GOLGA4: variants seen among roughly 807,000 people sequenced by gnomAD.
GOLGA4 encodes the protein golgin A4.
GOLGA4 carries 169 observed loss-of-function variants against 265.9 expected under a neutral mutation model. The ratio of observed to expected loss-of-function variants is 0.64; its 90% confidence interval spans 0.56 to 0.72. GOLGA4 has a LOEUF of 0.72. Ranked by LOEUF, GOLGA4 falls within the 30% of genes least tolerant of loss-of-function variation. The pLI, the probability that GOLGA4 is intolerant of heterozygous loss-of-function variation, is 0.00. For missense variants in GOLGA4, 2,482 were observed against 2,483.4 expected (o/e 1.00, Z 0.01); for synonymous variants, 923 against 855.8 (o/e 1.08, Z -1.37).
At chr3:37,353,328 A>G (rs1457515784) in intron 21 of GOLGA4, among the ~76,000 whole-genome samples, 5 of 152,112 alleles carry the variant, frequency 3.3e-5, no homozygotes, top group South Asian at 2.1e-4. Context: ...CACACCTTCA[A>G]TCTGCAAAAT....
At chr3:37,336,209 TTTAC>T (rs1255911108) in intron 17 of GOLGA4, among the ~76,000 whole-genome samples, 1 of 152,226 alleles carries the variant, frequency 6.6e-6, no homozygotes, top group Non-Finnish European at 1.5e-5. Context: ...TTAAATTTTC[TTTAC>T]TTTCTTTTTT....
intron 10 of GOLGA4, among the ~76,000 whole-genome samples, chr3:37,313,164 C>T (rs958531890): frequency 5.3e-5 from 8 of 152,020 alleles, no homozygotes; most frequent in Non-Finnish European, 1.0e-4. Context: ...GATCGCGCCA[C>T]TGCACTCTAG....
chr3:37,299,139 C>G lies in GOLGA4; in HGVS notation c.1002+119C>G, dbSNP rs999827174. On this transcript the variant is annotated intron_variant, in intron 8 of 23. Transcript: ENST00000361924. ...GATGGAAAGGGCATTTTTGTTTGCC[C>G]TGGCCTACATAACACCAAACCTTGA... The G allele has an allele frequency of 3.0e-5, 29 of 978,788 alleles. No homozygotes were observed. The African/African-American group carries it at 4.3e-4, about 14-fold the overall frequency. 60.6% of individuals were successfully genotyped at this position (978,788 alleles called of 1,614,324 possible). A position where few individuals can be genotyped will look rare whatever the true frequency, so the allele number is the denominator to read the frequency against.
intron 2 of GOLGA4, among the ~76,000 whole-genome samples, chr3:37,260,515 A>T (rs2096766745): frequency 6.6e-6 from 1 of 152,160 alleles, no homozygotes; most frequent in African/African-American, 2.4e-5. Flanking sequence ...GGGCACCTGT[A>T]ATCCCAGCTA....
At chr3:37,253,167 G>A (rs990647682) in intron 2 of GOLGA4, among the ~76,000 whole-genome samples, 2 of 151,776 alleles carry the variant, frequency 1.3e-5, no homozygotes, top group African/African-American at 2.4e-5. Context: ...TAAGGCAGGG[G>A]CATTACTTGA....
intron 14 of GOLGA4, among the ~76,000 whole-genome samples, 175 bp downstream of exon 14, chr3:37,328,000 T>C (rs1317590974): frequency 6.6e-6 from 1 of 152,074 alleles, no homozygotes; most frequent in Non-Finnish European, 1.5e-5. Context: ...TTAGGGCAAG[T>C]GGCAGTGTTA....
rs565418254 is a variant in GOLGA4, at chr3:37,293,305, AT to A, written c.583-1663del. Among the ~76,000 whole-genome samples the A allele has an allele frequency of 5.9e-4, 88 of 148,396 alleles. No individual in the cohort carries two copies. In the East Asian group the frequency reaches 7.1e-3, roughly 12 times the overall value. ...AAAACATTGTGAGATTTTTCTTGTG[AT>A]TTTTTTTTTTAAATGCTCATCAGCT... On this transcript the variant is annotated intron_variant, in intron 5 of 23. Transcript: ENST00000361924.
In GOLGA4 at chr3:37,276,055, T is replaced by C. The variant is rs566125474; in HGVS notation, c.163-5903T>C. ...TAAGCAACAGAAAGGATGAGACAAA[T>C]GCTCGAGATACTTATGTTTCATCCT... is the stretch of plus-strand genomic sequence containing the variant. On this transcript the variant is annotated intron_variant, in intron 2 of 23. Coordinates refer to ENST00000361924, the MANE Select transcript of GOLGA4 (RefSeq NM_002078.5). The C allele has an allele frequency of 1.3e-4, 210 of 1,612,610 alleles. No homozygotes were observed. In the South Asian group the frequency reaches 2.3e-3, roughly 17 times the overall value.
intron 3 of GOLGA4, among the ~76,000 whole-genome samples, chr3:37,282,934 A>G (rs1215841564): frequency 6.6e-6 from 1 of 152,162 alleles, no homozygotes; most frequent in Non-Finnish European, 1.5e-5. Flanking sequence ...TCTGCATCCT[A>G]TGCAGTTAAA....
chr3:37,330,163 G>C (rs888387830), intron 16 of GOLGA4, among the ~76,000 whole-genome samples: 1 of 151,088 alleles, frequency 6.6e-6, no homozygotes, highest in Non-Finnish European at 1.5e-5. Flanking sequence ...CCTAGAGAGT[G>C]TTGGAAGATA....
chr3:37,265,258 G>A (rs916167672), intron 2 of GOLGA4, among the ~76,000 whole-genome samples: 1 of 152,002 alleles, frequency 6.6e-6, no homozygotes, highest in African/African-American at 2.4e-5. Flanking sequence ...CAGTATTTTG[G>A]TGTGTAGTAT....
rs757129270 is a variant in GOLGA4 at position 37,347,237 on chromosome 3, A to G, written c.6517A>G (p.Thr2173Ala). Residue 2173 changes from threonine (T) to alanine (A), a missense_variant, in exon 21 of 24, where the codon ACC (threonine) becomes GCC (alanine). Coordinates refer to ENST00000361924, the MANE Select transcript of GOLGA4 (RefSeq NM_002078.5). ...HTDVSLFGEP[T>A]EFEYLRKVLF... ...GGATGTCTCACTCTTTGGAGAACCT[A>G]CCGAATTTGAGTATTTGCGAAAAGT... 4 of 1,613,058 alleles carry G rather than the reference A, an allele frequency of 2.5e-6. No individual in the cohort carries two copies. In the South Asian group the frequency reaches 3.3e-5, roughly 13 times the overall value.
rs188574386 is a variant in GOLGA4, at chr3:37,333,020, C to G, written c.6193-2033C>G. On this transcript the variant is annotated intron_variant, in intron 16 of 23. Transcript: ENST00000361924. The stretch of plus-strand genomic sequence containing the variant: ...ATCACTCTGGAGATTTTGTTCTTCT[C>G]TAGTCGTGAGAATCTGGCCCAGTGC... Among the ~76,000 whole-genome samples the G allele has an allele frequency of 8.1e-4, 123 of 152,318 alleles. 1 individual carries two copies. The highest frequency in any genetic ancestry group is 7.6e-3 in the Admixed American group (116 of 15,304).
In GOLGA4 at chr3:37,347,224, C is replaced by T. The variant is rs376840439; in HGVS notation, c.6504C>T (p.Leu2168=). The T allele has an allele frequency of 3.5e-5, 57 of 1,612,500 alleles. No homozygotes were observed. The highest frequency in any genetic ancestry group is 4.7e-5 in the Non-Finnish European group (55 of 1,179,022). The change falls in exon 21 of 24, where the codon CTC becomes CTT. Residue 2168 remains leucine (L), a synonymous_variant. Transcript: ENST00000361924. ...ATTTGTACCATACGGATGTCTCACT[C>T]TTTGGAGAACCTACCGAATTTGAGT... ...GGNLYHTDVS[L]FGEPTEFEYL...
intron 2 of GOLGA4, among the ~76,000 whole-genome samples, chr3:37,272,526 G>A (rs1044606017): frequency 6.6e-6 from 1 of 152,114 alleles, no homozygotes; most frequent in African/African-American, 2.4e-5. Context: ...AATGGAGCAA[G>A]ACCCTGTCTC....
Position 37,328,509 on chromosome 3 carries a change from G to A in GOLGA4, c.6033G>A (p.Glu2011=), listed in dbSNP as rs765292724. The change falls in exon 15 of 24, where the codon GAG becomes GAA. Residue 2011 remains glutamate (E), a synonymous_variant. Transcript: ENST00000361924. ...CACAGCTGGCACAAAAGGAACAAGAGCTGGAAATGACCATAAAAGAAACTA... is the reference window on the plus strand; with the variant it reads ...CACAGCTGGCACAAAAGGAACAAGAACTGGAAATGACCATAAAAGAAACTA... ...FNTQLAQKEQ[E]LEMTIKETIN... The A allele has an allele frequency of 3.7e-6, 6 of 1,612,748 alleles. No homozygotes were observed. The highest frequency in any genetic ancestry group is 5.1e-6 in the Non-Finnish European group (6 of 1,179,124).
intron 16 of GOLGA4, among the ~76,000 whole-genome samples, chr3:37,331,599 C>T (rs1197064406): frequency 6.6e-6 from 1 of 152,072 alleles, no homozygotes; most frequent in Non-Finnish European, 1.5e-5. Context: ...GTGTTTTTTA[C>T]CCTTTCTTAA....
chr3:37,258,229 TA>T (rs960740147), intron 2 of GOLGA4, among the ~76,000 whole-genome samples: 1 of 147,410 alleles, frequency 6.8e-6, no homozygotes. Context: ...ATGCTCTGTA[TA>T]TGTATGAGAT....
intron 23 of GOLGA4, among the ~76,000 whole-genome samples, 195 bp from the exon 24 acceptor site, chr3:37,365,885 G>A (rs932237070): frequency 2.0e-5 from 3 of 148,616 alleles, no homozygotes; most frequent in African/African-American, 7.5e-5. Context: ...CTCCCATCTT[G>A]GCCTCTCAAA....
Sources: allele counts gnomAD v4.1 joint callset (sites outside exome capture counted in the v4.1 genomes callset), GRCh38; gene constraint gnomAD v4.1.1; transcripts MANE v1.5; gene names NCBI Gene and HGNC (gene_info 2026-07-23, HGNC 2026-07-21).